The following TUBB1 variants were observed in gnomAD, a reference collection of about 807,000 sequenced individuals.
The protein encoded by TUBB1 is tubulin beta 1 class VI.
Under a neutral mutation model 22.6 loss-of-function variants are expected in TUBB1, and 28 were observed. That is an observed-to-expected ratio of 1.24 (90% CI 0.92 to 1.70). TUBB1 has a LOEUF of 1.70. Ranked by LOEUF, TUBB1 falls within the 40% of genes most tolerant of loss-of-function variation. The pLI is 0.00. For missense variants in TUBB1, 577 were observed against 605.5 expected, an observed-to-expected ratio of 0.95 and a Z score of 0.49; for synonymous variants, 226 against 238.0, an observed-to-expected ratio of 0.95 and a Z score of 0.46.
Position 59,026,439 on chromosome 20 carries a change from C to T in TUBB1, c.*1656C>T, listed in dbSNP as rs542298649. 6.6e-6 allele frequency: 1 copy of T among 152,354 alleles called. No homozygotes were observed. Among genetic ancestry groups the T allele is most frequent in the South Asian group, 2.1e-4 (1 of 4,826 alleles). 9.4% of individuals were successfully genotyped at this position (152,354 alleles called of 1,614,324 possible). The stretch of plus-strand genomic sequence containing the variant: ...GCCTGCGATTATACAAGGATTTACA[C>T]ATGCTTCCTCTGGTGCTTTACTTCC... On this transcript the variant is annotated 3_prime_UTR_variant, in exon 4 of 4. Coordinates refer to ENST00000217133, the MANE Select transcript of TUBB1 (RefSeq NM_030773.4).
chr20:59,021,996 A>AAAACAAAC (rs1171232090), intron 1 of TUBB1, among the ~76,000 whole-genome samples: 7 of 149,876 alleles, frequency 4.7e-5, no homozygotes, highest in Admixed American at 2.0e-4. Context: ...ACTCTGTCTC[A>AAAACAAAC]AAATAAATAA....
At chr20:59,023,092 T>A in intron 2 of TUBB1, 139 bp downstream of exon 2, 1 of 834,048 alleles carries the variant, frequency 1.2e-6, no homozygotes, top group South Asian at 1.5e-5. Context: ...AGCAGGATCC[T>A]AGAGTGGTGG....
Position 59,019,544 on chromosome 20 carries a change from C to A in TUBB1, c.22C>A (p.Gln8Lys). The A allele has an allele frequency of 6.2e-7, 1 of 1,614,186 alleles. No homozygotes were observed. Among genetic ancestry groups the A allele is most frequent in the Non-Finnish European group, 8.5e-7 (1 of 1,180,040 alleles). MREIVHI[Q>K]IGQCGNQIGA... Reference sequence around the variant, plus strand: ...AAGGATGCGTGAAATTGTCCATATTCAGATTGGCCAGTGTGGCAACCAGAT... The same window carrying A: ...AAGGATGCGTGAAATTGTCCATATTAAGATTGGCCAGTGTGGCAACCAGAT... The change falls in exon 1 of 4, where the codon CAG (glutamine) becomes AAG (lysine). Residue 8 changes from glutamine (Q) to lysine (K), a missense_variant. Transcript: ENST00000217133.
chr20:59,017,820 T>C (rs1297247532), upstream of TUBB1, among the ~76,000 whole-genome samples: 1 of 152,320 alleles, frequency 6.6e-6, no homozygotes, highest in East Asian at 1.9e-4. Context: ...TCTTCCTAAG[T>C]AAGCCAGAGT....
At position 59,024,774 on chromosome 20, in the gene TUBB1, G is replaced by C; in HGVS notation, c.1347G>C (p.Lys449Asn). 6.2e-7 allele frequency: 1 copy of C among 1,614,060 alleles called. No individual in the cohort carries two copies. The highest frequency in any genetic ancestry group is 1.6e-4 in the Middle Eastern group (1 of 6,062). Residue 449 changes from lysine (K) to asparagine (N), a missense_variant, in exon 4 of 4, where the codon AAG (lysine) becomes AAC (asparagine). By Grantham distance (94) the Lys-to-Asn change is moderately conservative. Transcript: ENST00000217133. The surrounding 1 kb of genome is among the most constrained non-coding windows in gnomAD (Gnocchi z 4.9). ...TEEAEMEPED[K>N]GH ...AGGCAGAAATGGAGCCAGAAGATAA[G>C]GGACATTAACTGTGAGAGAAGCTGT...
At chr20:59,020,404 G>A (rs899856164) in intron 1 of TUBB1, among the ~76,000 whole-genome samples, 1 of 152,218 alleles carries the variant, frequency 6.6e-6, no homozygotes, top group African/African-American at 2.4e-5. Flanking sequence ...GGCTGGTCTC[G>A]AACTCCTGAC....
Position 59,024,684 on chromosome 20 carries a change from A to G in TUBB1, c.1257A>G (p.Val419=), listed in dbSNP as rs1168786536. 6.2e-7 allele frequency: 1 copy of G among 1,614,196 alleles called. No homozygotes were observed. The highest frequency in any genetic ancestry group is 1.1e-5 in the South Asian group (1 of 91,082). The change falls in exon 4 of 4, where the codon GTA becomes GTG. Residue 419 remains valine (V), a synonymous_variant. Coordinates refer to ENST00000217133, the MANE Select transcript of TUBB1 (RefSeq NM_030773.4). This position sits in a 1 kb window ranked among gnomAD's most constrained non-coding sequence, Gnocchi z 4.9. ...GEAENNIHDL[V]SEYQQFQDAK... The stretch of plus-strand genomic sequence containing the variant: ...CTGAAAATAACATCCATGATTTGGT[A>G]TCCGAGTACCAACAATTTCAAGATG...
upstream of TUBB1, among the ~76,000 whole-genome samples, chr20:59,016,817 G>A (rs2091947395): frequency 6.6e-6 from 1 of 152,062 alleles, no homozygotes; most frequent in African/African-American, 2.4e-5. Flanking sequence ...ATACTGCTGA[G>A]GACCTGTGAA....
In TUBB1 at chr20:59,023,785, G is replaced by T. The variant is rs772713887; in HGVS notation, c.358G>T (p.Val120Leu). The change falls in exon 4 of 4, where the codon GTG (valine) becomes TTG (leucine). Residue 120 changes from valine (V) to leucine (L), a missense_variant. Val to Leu is a conservative substitution (Grantham distance 32). Coordinates refer to ENST00000217133, the MANE Select transcript of TUBB1 (RefSeq NM_030773.4). ...GCTGATCGAGAATGTCCTAGAGGTG[G>T]TGAGGCACGAGAGTGAGAGCTGTGA... is the stretch of plus-strand genomic sequence containing the variant. ...AELIENVLEV[V>L]RHESESCDCL... 2 of 1,614,200 alleles carry T rather than the reference G, an allele frequency of 1.2e-6. No individual in the cohort carries two copies. The highest frequency in any genetic ancestry group is 2.2e-5 in the South Asian group (2 of 91,088).
At chr20:59,023,084 C>G in intron 2 of TUBB1, 131 bp downstream of exon 2, 3 of 887,742 alleles carry the variant, frequency 3.4e-6, no homozygotes, top group Non-Finnish European at 1.8e-6. Flanking sequence ...GGCAGGGCAG[C>G]AGGATCCTAG....
In TUBB1 at chr20:59,024,458, G is replaced by A; in HGVS notation, c.1031G>A (p.Trp344Ter). 1 of 1,614,238 alleles carries A rather than the reference G, an allele frequency of 6.2e-7. No homozygotes were observed. The highest frequency in any genetic ancestry group is 8.5e-7 in the Non-Finnish European group (1 of 1,180,050). The change falls in exon 4 of 4, where the codon TGG (tryptophan) becomes TAG (stop). Residue 344 changes from tryptophan to a stop codon, truncating the protein, a stop_gained. Coordinates refer to ENST00000217133, the MANE Select transcript of TUBB1 (RefSeq NM_030773.4). LOFTEE classifies it low-confidence loss of function (END_TRUNC). This position sits in a 1 kb window ranked among gnomAD's most constrained non-coding sequence, Gnocchi z 4.9. ...AGGAACAGCAGCTGCTTTGTGGAGTGGATTCCCAACAACGTCAAGGTGGCT... is the reference window on the plus strand; with the variant it reads ...AGGAACAGCAGCTGCTTTGTGGAGTAGATTCCCAACAACGTCAAGGTGGCT... ...QTRNSSCFVE[W>*]IPNNVKVAVC... is the part of the protein sequence containing the mutation.
rs962082288 is a variant in TUBB1 at position 59,025,392 on chromosome 20, G to A, written c.*609G>A. 1.3e-5 allele frequency: 2 copies of A among 153,416 alleles called. No homozygotes were observed. Among genetic ancestry groups the A allele is most frequent in the Non-Finnish European group, 2.9e-5 (2 of 68,904 alleles). 9.5% of individuals were successfully genotyped at this position (153,416 alleles called of 1,614,324 possible). On this transcript the variant is annotated 3_prime_UTR_variant, in exon 4 of 4. Transcript: ENST00000217133. ...CATACAACATGCTAACTGGAAAAGA[G>A]GAAAAAAGAAAAGCCACAGTCCTCT...
rs751490202 is a variant in TUBB1 at position 59,023,542 on chromosome 20, G to A, written c.219G>A (p.Met73Ile). Reference protein sequence around the residue: ...AVLVDLEPGTMDSIRSSKLGA... With the variant: ...AVLVDLEPGTIDSIRSSKLGA... ...TGGTGGACCTAGAACCTGGGACGAT[G>A]GACAGCATTCGATCTAGCAAATTAG... is the stretch of plus-strand genomic sequence containing the variant. Residue 73 changes from methionine (M) to isoleucine (I), a missense_variant, in exon 3 of 4, where the codon ATG becomes ATA. By Grantham distance (10) the Met-to-Ile change is conservative. Transcript: ENST00000217133. 40 of 1,613,992 alleles carry A rather than the reference G, an allele frequency of 2.5e-5. No homozygotes were observed. The highest frequency in any genetic ancestry group is 3.4e-5 in the Non-Finnish European group (40 of 1,180,032).
At position 59,024,013 on chromosome 20, in the gene TUBB1, G is replaced by C; in HGVS notation, c.586G>C (p.Ala196Pro). The stretch of plus-strand genomic sequence containing the variant: ...GTCTATCCACCAGCTGATTGAGAAT[G>C]CAGATGCCTGTTTCTGCATTGACAA... ...VLSIHQLIENADACFCIDNEA... is the reference protein window; with the variant it reads ...VLSIHQLIENPDACFCIDNEA... Residue 196 changes from alanine to proline, a missense_variant, in exon 4 of 4, where the codon GCA (alanine) becomes CCA (proline). Transcript: ENST00000217133. This position sits in a 1 kb window ranked among gnomAD's most constrained non-coding sequence, Gnocchi z 4.9. The C allele has an allele frequency of 1.2e-6, 2 of 1,614,196 alleles. No homozygotes were observed. The highest frequency in any genetic ancestry group is 1.7e-6 in the Non-Finnish European group (2 of 1,180,038).
At chr20:59,016,789 T>C (rs1431293966), upstream of TUBB1, among the ~76,000 whole-genome samples, 1 of 152,254 alleles carries the variant, frequency 6.6e-6, no homozygotes, top group Non-Finnish European at 1.5e-5. Flanking sequence ...TAAAATGGTC[T>C]GTTTTAATTT....
Position 59,024,089 on chromosome 20 carries a change from C to T in TUBB1, c.662C>T (p.Thr221Ile), listed in dbSNP as rs759648996. Residue 221 changes from threonine (T) to isoleucine (I), a missense_variant, in exon 4 of 4, where the codon ACC becomes ATC. Thr to Ile is a moderately conservative substitution (Grantham distance 89). Transcript: ENST00000217133. This position sits in a 1 kb window ranked among gnomAD's most constrained non-coding sequence, Gnocchi z 4.9. ...CGTACCCTGAAGCTGACGACACCCA[C>T]CTATGGGGATCTCAACCACCTAGTG... is the stretch of plus-strand genomic sequence containing the variant. ...CFRTLKLTTP[T>I]YGDLNHLVSL... 11 of 1,614,102 alleles carry T rather than the reference C, an allele frequency of 6.8e-6. No individual in the cohort carries two copies. The highest frequency in any genetic ancestry group is 1.1e-5 in the South Asian group (1 of 91,090).
intron 1 of TUBB1, among the ~76,000 whole-genome samples, chr20:59,021,934 G>A (rs2091968955): frequency 6.6e-6 from 1 of 152,016 alleles, no homozygotes; most frequent in Non-Finnish European, 1.5e-5. Context: ...GGTGGAAGTT[G>A]CAGTGAGCCA....
intron 1 of TUBB1, 152 bp downstream of exon 1, chr20:59,019,731 TA>T (rs1246070850): frequency 8.2e-5 from 65 of 790,120 alleles, no homozygotes; most frequent in Middle Eastern, 2.4e-4. Flanking sequence ...CTTTAATTCT[TA>T]AAAAAAAATT....
At chr20:59,023,091 C>T (rs2091975988) in intron 2 of TUBB1, 138 bp downstream of exon 2, 2 of 844,734 alleles carry the variant, frequency 2.4e-6, no homozygotes, top group African/African-American at 3.3e-5. Context: ...CAGCAGGATC[C>T]TAGAGTGGTG....
Sources: allele counts gnomAD v4.1 joint callset (sites outside exome capture counted in the v4.1 genomes callset), GRCh38; gene constraint gnomAD v4.1.1; non-coding constraint Gnocchi (gnomAD v3.1); transcripts MANE v1.5; gene names NCBI Gene and HGNC (gene_info 2026-07-23, HGNC 2026-07-21).